The following DSG2 variants were observed in gnomAD, a reference collection of about 807,000 sequenced individuals.
The protein encoded by DSG2 is desmoglein-2.
In DSG2, 45 loss-of-function variants were observed where a neutral mutation model predicts 75.6. The ratio of observed to expected loss-of-function variants is 0.60; its 90% CI spans 0.47 to 0.76. The LOEUF is 0.76. Ranked by LOEUF, DSG2 falls within the 30% of genes least tolerant of loss-of-function variation. The pLI is 0.00. For missense variants in DSG2, 1,267 were observed against 1,357.4 expected, an observed-to-expected ratio of 0.93 and a Z score of 1.05; for synonymous variants, 429 against 483.9, an observed-to-expected ratio of 0.89 and a Z score of 1.49.
chr18:31,548,816 C>T lies in DSG2; in HGVS notation c.*2073C>T, dbSNP rs1284112794. On this transcript the variant is annotated 3_prime_UTR_variant, in exon 15 of 15. Coordinates refer to ENST00000261590, the MANE Select transcript of DSG2 (RefSeq NM_001943.5). The stretch of plus-strand genomic sequence containing the variant: ...AAGATTATATTTGTATATGTATCAT[C>T]ATAAAATATTTAAATAAAAAGTATC... The T allele has an allele frequency of 6.6e-6, 1 of 152,134 alleles. No homozygotes were observed. Among genetic ancestry groups the T allele is most frequent in the African/African-American group, 2.4e-5 (1 of 41,434 alleles). 9.4% of individuals were successfully genotyped at this position (152,134 alleles called of 1,614,324 possible).
At chr18:31,545,573 C>G (rs752204992) in intron 14 of DSG2, 148 bp from the exon 15 acceptor site, 6 of 963,256 alleles carry the variant, frequency 6.2e-6, no homozygotes, top group Non-Finnish European at 9.4e-6. Context: ...CGTAGGATCT[C>G]TCTCAATTTG....
rs1011787097 is a variant in DSG2 at position 31,498,240 on chromosome 18, G to A, written c.-12G>A. The A allele has an allele frequency of 3.2e-6, 4 of 1,255,096 alleles. No individual in the cohort carries two copies. Among genetic ancestry groups the A allele is most frequent in the South Asian group, 3.9e-5 (1 of 25,330 alleles). The allele number at this position is 1,255,096 out of a possible 1,614,324, so 77.7% of individuals were successfully genotyped here. On this transcript the variant is annotated 5_prime_UTR_variant, in exon 1 of 15. Coordinates refer to ENST00000261590, the MANE Select transcript of DSG2 (RefSeq NM_001943.5). ...GAGCGGTGCGGCGGCGGGAGGCGGA[G>A]GCGAGGGTGCGATGGCGCGGAGCCC...
chr18:31,524,860 C>T lies in DSG2; in HGVS notation c.986C>T (p.Thr329Ile). 1.2e-6 allele frequency: 2 copies of T among 1,614,148 alleles called. No homozygotes were observed. The highest frequency in any genetic ancestry group is 1.7e-6 in the Non-Finnish European group (2 of 1,180,016). Residue 329 changes from threonine (T) to isoleucine (I), a missense_variant, in exon 8 of 15, where the codon ACT becomes ATT. Coordinates refer to ENST00000261590, the MANE Select transcript of DSG2 (RefSeq NM_001943.5). ...TTCCACATAGAAACAGATGCTCAAA[C>T]TAACGAAGGAATTGTGACCCTTATT... is the stretch of plus-strand genomic sequence containing the variant. ...GYFHIETDAQ[T>I]NEGIVTLIKE...
chr18:31,534,447 T>C (rs1050568167), intron 9 of DSG2, among the ~76,000 whole-genome samples: 4 of 151,944 alleles, frequency 2.6e-5, no homozygotes, highest in Non-Finnish European at 4.4e-5. Context: ...AAGAAAATTA[T>C]TACCCCAATA....
intron 1 of DSG2, among the ~76,000 whole-genome samples, chr18:31,500,036 T>TTAAAA (rs762858985): frequency 9.0e-6 from 1 of 110,996 alleles, no homozygotes; most frequent in African/African-American, 3.3e-5. Flanking sequence ...AGTTTTTTGG[T>TTAAAA]AAAAAAAAAA....
chr18:31,515,272 T>C (rs902998180), intron 1 of DSG2, among the ~76,000 whole-genome samples: 31 of 151,944 alleles, frequency 2.0e-4, no homozygotes, highest in African/African-American at 7.0e-4. Flanking sequence ...GCAGCTAATA[T>C]TTTTTTGTAT....
intron 1 of DSG2, among the ~76,000 whole-genome samples, chr18:31,505,300 T>C (rs975203404): frequency 1.3e-5 from 2 of 152,188 alleles, no homozygotes; most frequent in African/African-American, 4.8e-5. Flanking sequence ...TATCTTCCAT[T>C]TCCAAGGCCA....
Position 31,498,211 on chromosome 18 carries a change from CGCGGAGCGGTGCGGCGGCGGGAG to C in DSG2, c.-34_-12del. ...AGTGCGCGCTCGGGGCAGGCGGCGG[CGCGGAGCGGTGCGGCGGCGGGAG>C]GCGGAGGCGAGGGTGCGATGGCGCG... On this transcript the variant is annotated 5_prime_UTR_variant, in exon 1 of 15. Transcript: ENST00000261590. 8.1e-7 allele frequency: 1 copy of C among 1,239,354 alleles called. No homozygotes were observed. The allele number at this position is 1,239,354 out of a possible 1,614,324, so 76.8% of individuals were successfully genotyped here. A position where few individuals can be genotyped will look rare whatever the true frequency, so the allele number is the denominator to read the frequency against.
At chr18:31,524,328 T>C in intron 6 of DSG2, 120 bp from the exon 7 acceptor site, 1 of 1,360,804 alleles carries the variant, frequency 7.3e-7, no homozygotes, top group Non-Finnish European at 1.0e-6. Context: ...TAATAGCAGA[T>C]CATAAAACAG....
chr18:31,543,892 A>G (rs181817819), intron 14 of DSG2, among the ~76,000 whole-genome samples: 1,563 of 151,722 alleles, frequency 0.01, 16 homozygotes, highest in Middle Eastern at 0.045. Flanking sequence ...AAAGTATAAC[A>G]TAGAGATAAA....
rs141792143 is a variant in DSG2 at position 31,536,740 on chromosome 18, C to A, written c.1651+311C>A. On this transcript the variant is annotated intron_variant, in intron 11 of 14. Coordinates refer to ENST00000261590, the MANE Select transcript of DSG2 (RefSeq NM_001943.5). ...TCGTAGTAGTTTGCCTTCTAAAAATCTTGTAGTAACAGTAATTCCATTTAA... is the reference window on the plus strand; with the variant it reads ...TCGTAGTAGTTTGCCTTCTAAAAATATTGTAGTAACAGTAATTCCATTTAA... Among the ~76,000 whole-genome samples the A allele has an allele frequency of 4.6e-5, 7 of 152,334 alleles. No homozygotes were observed. In the East Asian group the frequency reaches 1.2e-3, roughly 25 times the overall value.
At chr18:31,535,623 G>C (rs527399922) in intron 10 of DSG2, among the ~76,000 whole-genome samples, 1 of 151,954 alleles carries the variant, frequency 6.6e-6, no homozygotes, top group Non-Finnish European at 1.5e-5. Flanking sequence ...GTGAAACCCC[G>C]TCTCTACTAA....
rs576154696 is a variant in DSG2, at chr18:31,530,857, A to G, written c.1015-130A>G. ...TTGGTGTCAGTATAAGAGTTGGACTATTCAGTGCTGCTATATTTCCTGTGC... is the reference window on the plus strand; with the variant it reads ...TTGGTGTCAGTATAAGAGTTGGACTGTTCAGTGCTGCTATATTTCCTGTGC... On this transcript the variant is annotated intron_variant, in intron 8 of 14. Coordinates refer to ENST00000261590, the MANE Select transcript of DSG2 (RefSeq NM_001943.5). 4.7e-6 allele frequency: 4 copies of G among 855,396 alleles called. No homozygotes were observed. The African/African-American group carries it at 5.1e-5, about 11-fold the overall frequency. 53.0% of individuals were successfully genotyped at this position (855,396 alleles called of 1,614,324 possible).
rs397516711 is a variant in DSG2 at position 31,519,805 on chromosome 18, C to G, written c.84C>G (p.Val28=). 1.9e-5 allele frequency: 30 copies of G among 1,613,948 alleles called. No individual in the cohort carries two copies. In the Middle Eastern group the frequency reaches 4.9e-4, roughly 27 times the overall value. Residue 28 remains valine, a splice_region_variant and synonymous_variant, in exon 3 of 15, where the codon GTC becomes GTG. Coordinates refer to ENST00000261590, the MANE Select transcript of DSG2 (RefSeq NM_001943.5). The part of the protein sequence containing the change: ...FNVGSGLHLQ[V]LSTRNENKLL... ...TTGGCAATATTCTATTGTTATAGGT[C>G]TTAAGCACAAGAAATGAAAATAAGC...
chr18:31,544,120 G>C (rs1299564600), intron 14 of DSG2, among the ~76,000 whole-genome samples: 1 of 152,094 alleles, frequency 6.6e-6, no homozygotes, highest in Non-Finnish European at 1.5e-5. Context: ...GAAAGAACAA[G>C]TGACAGAATC....
chr18:31,512,732 C>T (rs1196193569), intron 1 of DSG2, among the ~76,000 whole-genome samples: 2 of 152,208 alleles, frequency 1.3e-5, no homozygotes, highest in Non-Finnish European at 1.5e-5. Flanking sequence ...ATACCATTCA[C>T]GTCTCTGTGC....
At chr18:31,519,687 T>C in intron 2 of DSG2, 116 bp from the exon 3 acceptor site, 1 of 1,095,320 alleles carries the variant, frequency 9.1e-7, no homozygotes, top group Non-Finnish European at 1.4e-6. Flanking sequence ...TCATAGGAAA[T>C]ACGAAGCATA....
chr18:31,535,344 T>G lies in DSG2; in HGVS notation c.1355T>G (p.Leu452Arg), dbSNP rs763810935. The change falls in exon 10 of 15, where the codon CTT becomes CGT. Residue 452 changes from leucine (L) to arginine (R), a missense_variant. Physicochemically the swap from Leu to Arg is moderately radical, Grantham distance 102. Transcript: ENST00000261590. ...ACATCTGAAATTAAACTTGCAAAAC[T>G]TCCTGATTTTGAATCTAGATATGTT... ...SVTSEIKLAK[L>R]PDFESRYVQN... 6.2e-7 allele frequency: 1 copy of G among 1,610,530 alleles called. No individual in the cohort carries two copies. Among genetic ancestry groups the G allele is most frequent in the Admixed American group, 1.7e-5 (1 of 59,946 alleles).
At chr18:31,541,353 T>G in intron 13 of DSG2, 39 bp downstream of exon 13, 7 of 1,611,998 alleles carry the variant, frequency 4.3e-6, no homozygotes, top group Non-Finnish European at 5.9e-6. Context: ...GTCTTCTTCT[T>G]GGGTTTTAAA....
Sources: allele counts gnomAD v4.1 joint callset (sites outside exome capture counted in the v4.1 genomes callset), GRCh38; gene constraint gnomAD v4.1.1; transcripts MANE v1.5; gene names NCBI Gene and HGNC (gene_info 2026-07-23, HGNC 2026-07-21).